Variants in ADAMTS6 observed in about 807,000 individuals in gnomAD.
The protein encoded by ADAMTS6 is A disintegrin and metalloproteinase with thrombospondin motifs 6.
A neutral mutation model predicts 144.3 loss-of-function variants in ADAMTS6; 23 were observed. The observed-to-expected ratio is 0.16, with a 90% CI of 0.11 to 0.23. ADAMTS6 has a LOEUF of 0.23. ADAMTS6 is among the 10% of genes least tolerant of loss of function. The pLI is 1.00. For missense variants in ADAMTS6, 999 were observed against 1,379.6 expected (o/e 0.72, Z 4.37); for synonymous variants, 444 against 457.5 (o/e 0.97, Z 0.38).
intron 7 of ADAMTS6, among the ~76,000 whole-genome samples, chr5:65,450,248 G>A (rs1758630391): frequency 2.0e-5 from 3 of 152,064 alleles, no homozygotes; most frequent in African/African-American, 7.2e-5. Flanking sequence ...CAGCAAGCAT[G>A]TCATAAACCA....
At chr5:65,298,597 G>C (rs1743081037) in intron 10 of ADAMTS6, among the ~76,000 whole-genome samples, 1 of 151,988 alleles carries the variant, frequency 6.6e-6, no homozygotes, top group Non-Finnish European at 1.5e-5. Flanking sequence ...AATGCTCTGT[G>C]GTCTACCTTT....
intron 7 of ADAMTS6, among the ~76,000 whole-genome samples, chr5:65,429,183 T>C (rs1756797302): frequency 6.6e-6 from 1 of 152,198 alleles, no homozygotes; most frequent in Non-Finnish European, 1.5e-5. Flanking sequence ...AGGGTCCTCC[T>C]TATACTCAGA....
chr5:65,182,406 T>C (rs1754416225), intron 22 of ADAMTS6, among the ~76,000 whole-genome samples: 1 of 129,696 alleles, frequency 7.7e-6, no homozygotes, highest in African/African-American at 3.1e-5. Context: ...ACCGTGCCAC[T>C]ACACTCCAGC....
At position 65,214,673 on chromosome 5, in the gene ADAMTS6, C is replaced by T; in HGVS notation, c.2575+121G>A. On this transcript the variant is annotated intron_variant, in intron 20 of 24. Transcript: ENST00000381055. This position sits in a 1 kb window ranked among gnomAD's most constrained non-coding sequence, Gnocchi z 4.6. ...CAAAGTTTCTTTTGCTAAATTACAG[C>T]TTGAAGCAAACCTGCAAGAAATGTT... is the stretch of plus-strand genomic sequence containing the variant. 6.9e-7 allele frequency: 1 copy of T among 1,457,266 alleles called. No homozygotes were observed. Among genetic ancestry groups the T allele is most frequent in the Non-Finnish European group, 9.5e-7 (1 of 1,052,252 alleles). The allele number at this position is 1,457,266 out of a possible 1,614,324, so 90.3% of individuals were successfully genotyped here. A position where few individuals can be genotyped will look rare whatever the true frequency, so the allele number is the denominator to read the frequency against.
intron 22 of ADAMTS6, among the ~76,000 whole-genome samples, chr5:65,180,214 A>C (rs1011936362): frequency 6.6e-6 from 1 of 152,222 alleles, no homozygotes; most frequent in African/African-American, 2.4e-5. Flanking sequence ...CAAATTTTTC[A>C]GATGAACATC....
At chr5:65,373,909 C>T (rs922087604) in intron 7 of ADAMTS6, among the ~76,000 whole-genome samples, 3 of 152,168 alleles carry the variant, frequency 2.0e-5, no homozygotes, top group African/African-American at 7.2e-5. Context: ...GCTTATCTGC[C>T]ATGATCAAGT....
chr5:65,266,994 T>C (rs1408375961), intron 12 of ADAMTS6, among the ~76,000 whole-genome samples: 2 of 152,014 alleles, frequency 1.3e-5, no homozygotes, highest in African/African-American at 4.8e-5. Flanking sequence ...CATTAATCAA[T>C]ATAAATTAAG....
At chr5:65,283,499 G>A (rs1196639867) in intron 11 of ADAMTS6, among the ~76,000 whole-genome samples, 2 of 151,970 alleles carry the variant, frequency 1.3e-5, no homozygotes, top group Non-Finnish European at 2.9e-5. Flanking sequence ...AGCAAATGCA[G>A]GGTAAAAACT....
intron 7 of ADAMTS6, among the ~76,000 whole-genome samples, chr5:65,366,855 G>A (rs1367420755): frequency 2.6e-5 from 4 of 152,072 alleles, no homozygotes; most frequent in African/African-American, 7.2e-5. Context: ...GTTGCTTCTG[G>A]ATGACTTTCA....
At chr5:65,358,329 G>A (rs148202581) in intron 7 of ADAMTS6, among the ~76,000 whole-genome samples, 15 of 152,000 alleles carry the variant, frequency 9.9e-5, no homozygotes, top group Middle Eastern at 3.4e-3. Context: ...ACACAATAAA[G>A]ATCCTATATG....
Position 65,215,346 on chromosome 5 carries a change from G to A in ADAMTS6, c.2414C>T (p.Thr805Ile). The change falls in exon 19 of 25, where the codon ACC (threonine) becomes ATC (isoleucine). Residue 805 changes from threonine (T) to isoleucine (I), a missense_variant. Coordinates refer to ENST00000381055, the MANE Select transcript of ADAMTS6 (RefSeq NM_197941.4). Reference sequence around the variant, plus strand: ...TACCATGACGATGAGATTTTCTGAGGTAGGACCTAGAGCTTCCAAGGATTC... The same window carrying A: ...TACCATGACGATGAGATTTTCTGAGATAGGACCTAGAGCTTCCAAGGATTC... The part of the protein sequence containing the change: ...EPESLEALGP[T>I]SENLIVMVLL... 1 of 1,613,788 alleles carries A rather than the reference G, an allele frequency of 6.2e-7. No homozygotes were observed. The highest frequency in any genetic ancestry group is 8.5e-7 in the Non-Finnish European group (1 of 1,179,868).
intron 20 of ADAMTS6, among the ~76,000 whole-genome samples, chr5:65,212,195 C>CT (rs1430322953): frequency 3.3e-5 from 5 of 152,190 alleles, no homozygotes; most frequent in African/African-American, 1.2e-4. Flanking sequence ...CGGGACCAGA[C>CT]TTTAAGAACC....
intron 9 of ADAMTS6, among the ~76,000 whole-genome samples, chr5:65,302,128 A>G (rs1743465266): frequency 1.4e-5 from 2 of 142,826 alleles, no homozygotes; most frequent in African/African-American, 2.6e-5. Flanking sequence ...ATATATATAT[A>G]TGCACATATA....
At chr5:65,473,176 A>G (rs1260932363) in intron 2 of ADAMTS6, among the ~76,000 whole-genome samples, 1 of 152,144 alleles carries the variant, frequency 6.6e-6, no homozygotes, top group Non-Finnish European at 1.5e-5. Flanking sequence ...TTTTTTCACA[A>G]AGGGTCCATA....
chr5:65,271,385 A>G (rs1484918663), intron 12 of ADAMTS6, among the ~76,000 whole-genome samples: 1 of 151,806 alleles, frequency 6.6e-6, no homozygotes, highest in Non-Finnish European at 1.5e-5. Context: ...CTAAAAAAAA[A>G]AAAAAAAAAA....
rs537097978 is a variant in ADAMTS6 at position 65,224,856 on chromosome 5, C to A, written c.2191+68G>T. The A allele has an allele frequency of 6.6e-5, 98 of 1,479,058 alleles. 2 individuals are homozygous for A. In the South Asian group the frequency reaches 1.4e-3, roughly 21 times the overall value. 91.6% of individuals were successfully genotyped at this position (1,479,058 alleles called of 1,614,324 possible). A position where few individuals can be genotyped will look rare whatever the true frequency, so the allele number is the denominator to read the frequency against. ...AAGAAATCTGAAAAACAGGGGGAGGCGAAGCGAGGGTTTTGGCTCCTCCAA... is the reference window on the plus strand; with the variant it reads ...AAGAAATCTGAAAAACAGGGGGAGGAGAAGCGAGGGTTTTGGCTCCTCCAA... On this transcript the variant is annotated intron_variant, in intron 17 of 24. Coordinates refer to ENST00000381055, the MANE Select transcript of ADAMTS6 (RefSeq NM_197941.4).
At chr5:65,272,350 G>T (rs1175735774) in intron 12 of ADAMTS6, among the ~76,000 whole-genome samples, 1 of 152,078 alleles carries the variant, frequency 6.6e-6, no homozygotes, top group Non-Finnish European at 1.5e-5. Context: ...TTCAACAATT[G>T]TTGTTGTTTT....
intron 7 of ADAMTS6, among the ~76,000 whole-genome samples, chr5:65,378,070 T>A (rs1249299962): frequency 6.6e-6 from 1 of 152,150 alleles, no homozygotes; most frequent in Non-Finnish European, 1.5e-5. Flanking sequence ...TCTACCATAC[T>A]GGAGTAATCT....
chr5:65,312,913 G>A (rs1744639581), intron 9 of ADAMTS6, among the ~76,000 whole-genome samples: 1 of 151,862 alleles, frequency 6.6e-6, no homozygotes, highest in African/African-American at 2.4e-5. Context: ...GCTGGAACAA[G>A]GAAACTTTGG....
Sources: gnomAD v4.1 joint callset for allele counts (sites outside exome capture counted in the v4.1 genomes callset) on GRCh38, gnomAD v4.1.1 for gene constraint, Gnocchi (gnomAD v3.1) non-coding constraint, MANE v1.5 for transcripts, NCBI Gene and HGNC (gene_info 2026-07-23, HGNC 2026-07-21) for gene names.